Variants in NAALADL2 observed in about 807,000 individuals in gnomAD.
NAALADL2 encodes inactive N-acetylated-alpha-linked acidic dipeptidase-like protein 2.
A neutral mutation model predicts 87.2 loss-of-function variants in NAALADL2; 76 were observed. The observed-to-expected ratio is 0.87, with a 90% confidence interval of 0.72 to 1.05. NAALADL2 has a LOEUF of 1.05. NAALADL2 is among the 50% of genes least tolerant of loss of function. NAALADL2 has a pLI of 0.00. For missense variants in NAALADL2, 1,089 were observed against 945.8 expected (o/e 1.15, Z -1.99); for synonymous variants, 354 against 331.0 (o/e 1.07, Z -0.75).
intron 3 of NAALADL2, among the ~76,000 whole-genome samples, chr3:174,748,358 G>C (rs900686699): frequency 1.8e-4 from 26 of 148,154 alleles, no homozygotes; most frequent in African/African-American, 5.2e-4. Context: ...GAGGCCACTA[G>C]AAGGTGGCCC....
chr3:175,746,345 G>T (rs1303563590), intron 12 of NAALADL2, among the ~76,000 whole-genome samples: 3 of 144,684 alleles, frequency 2.1e-5, no homozygotes, highest in African/African-American at 7.8e-5. Flanking sequence ...AATTGCAAAT[G>T]ATTGAGATCT....
chr3:174,617,198 A>T (rs2108656353), intron 2 of NAALADL2, among the ~76,000 whole-genome samples: 1 of 151,958 alleles, frequency 6.6e-6, no homozygotes, highest in East Asian at 1.9e-4. Context: ...TTTGATTGAC[A>T]AAATGCAGCT....
chr3:175,231,199 G>A (rs62285899), intron 2 of NAALADL2, among the ~76,000 whole-genome samples: 26,732 of 151,708 alleles, frequency 0.18, 2,497 homozygotes, highest in Admixed American at 0.25. Flanking sequence ...ACAATGGGAA[G>A]CAACAAAGTC....
chr3:175,329,880 C>T (rs114582237), intron 5 of NAALADL2, among the ~76,000 whole-genome samples: 22 of 152,116 alleles, frequency 1.4e-4, no homozygotes, highest in South Asian at 8.3e-4. Flanking sequence ...ATAATTTTGG[C>T]GACGTAAGTT....
rs553117941 is a variant in NAALADL2 at position 175,702,584 on chromosome 3, C to T, written c.1897-34722C>T. Among the ~76,000 whole-genome samples, 4 of 152,230 alleles carry T rather than the reference C, an allele frequency of 2.6e-5. No individual in the cohort carries two copies. In the East Asian group the frequency reaches 7.7e-4, roughly 29 times the overall value. The stretch of plus-strand genomic sequence containing the variant: ...AAATGTCCAATAAAGTCAACCTTTG[C>T]TTCTCAGTTATAGTCCATTGTAAGA... On this transcript the variant is annotated intron_variant, in intron 11 of 13. Coordinates refer to ENST00000454872, the MANE Select transcript of NAALADL2 (RefSeq NM_207015.3).
chr3:174,841,187 G>C (rs2109422468), intron 3 of NAALADL2, among the ~76,000 whole-genome samples: 1 of 152,186 alleles, frequency 6.6e-6, no homozygotes, highest in East Asian at 1.9e-4. Context: ...TTTGTTGTTG[G>C]AACCTACTTT....
chr3:175,707,357 A>T (rs1312879451), intron 11 of NAALADL2, among the ~76,000 whole-genome samples: 1 of 152,130 alleles, frequency 6.6e-6, no homozygotes, highest in African/African-American at 2.4e-5. Context: ...TGTTCTTTTT[A>T]ATTTTTTCAA....
intron 5 of NAALADL2, among the ~76,000 whole-genome samples, chr3:175,340,560 A>C (rs1188306209): frequency 6.6e-6 from 1 of 152,152 alleles, no homozygotes; most frequent in Non-Finnish European, 1.5e-5. Flanking sequence ...TCTCAGTTCT[A>C]CAAAGAGAAG....
At chr3:175,384,242 T>C (rs1768104311) in intron 5 of NAALADL2, among the ~76,000 whole-genome samples, 1 of 152,032 alleles carries the variant, frequency 6.6e-6, no homozygotes, top group African/African-American at 2.4e-5. Context: ...ATTGTCTGCA[T>C]TATCTTATTG....
chr3:175,718,193 T>C (rs1583001518), intron 11 of NAALADL2: 1 of 1,098,542 alleles, frequency 9.1e-7, no homozygotes, highest in African/African-American at 1.8e-5. Context: ...GAAGGGCCTG[T>C]GGTTTTTTTT....
chr3:175,293,501 A>G, intron 4 of NAALADL2, among the ~76,000 whole-genome samples: 1 of 152,196 alleles, frequency 6.6e-6, no homozygotes. Flanking sequence ...TTTTTGAGCA[A>G]CAACTGCTAT....
At position 175,265,072 on chromosome 3, in the gene NAALADL2, G is replaced by A. The variant is rs541876963; in HGVS notation, c.939+8542G>A. Reference sequence around the variant, plus strand: ...AGCTGACATTTAATTTAATCATATGGAAAGATTTTATCAAGAACTATATTT... The same window carrying A: ...AGCTGACATTTAATTTAATCATATGAAAAGATTTTATCAAGAACTATATTT... On this transcript the variant is annotated intron_variant, in intron 4 of 13. Coordinates refer to ENST00000454872, the MANE Select transcript of NAALADL2 (RefSeq NM_207015.3). 1.3e-4 allele frequency among the ~76,000 whole-genome samples: 20 copies of A among 151,666 alleles called. No individual in the cohort carries two copies. The South Asian group carries it at 3.9e-3, about 30-fold the overall frequency.
At chr3:174,993,471 T>C (rs1191627900) in intron 1 of NAALADL2, among the ~76,000 whole-genome samples, 1 of 151,918 alleles carries the variant, frequency 6.6e-6, no homozygotes, top group Non-Finnish European at 1.5e-5. Context: ...AGTATAAAAT[T>C]GTAATTAAAA....
At chr3:175,174,006 T>A (rs915568627) in intron 2 of NAALADL2, among the ~76,000 whole-genome samples, 2 of 152,168 alleles carry the variant, frequency 1.3e-5, no homozygotes, top group African/African-American at 4.8e-5. Context: ...TATGTAATTG[T>A]AATTTTATAT....
At chr3:175,450,042 T>C (rs1721323476) in intron 6 of NAALADL2, among the ~76,000 whole-genome samples, 1 of 152,134 alleles carries the variant, frequency 6.6e-6, no homozygotes. Flanking sequence ...TCTCACTGAG[T>C]CTGGTAAATC....
intron 2 of NAALADL2, among the ~76,000 whole-genome samples, chr3:174,571,413 T>C (rs530048440): frequency 3.9e-5 from 6 of 152,188 alleles, no homozygotes; most frequent in African/African-American, 1.2e-4. Context: ...TTTCGCTCTT[T>C]TTGCCCAGGC....
chr3:175,439,745 T>A (rs185117977), intron 5 of NAALADL2, among the ~76,000 whole-genome samples: 1 of 150,602 alleles, frequency 6.6e-6, no homozygotes, highest in Non-Finnish European at 1.5e-5. Flanking sequence ...TTTTTCTTTT[T>A]TTGATGATTT....
intron 1 of NAALADL2, 34 bp downstream of exon 1, chr3:174,859,484 T>G: frequency 1.3e-6 from 2 of 1,574,602 alleles, no homozygotes; most frequent in East Asian, 4.5e-5. Context: ...TTTTCACTTT[T>G]CACAATCAGA....
At chr3:174,790,119 C>T (rs1041544306) in intron 3 of NAALADL2, among the ~76,000 whole-genome samples, 2 of 152,286 alleles carry the variant, frequency 1.3e-5, no homozygotes, top group East Asian at 1.9e-4. Flanking sequence ...AGTGAATCAA[C>T]GATGAAGTGG....
Sources: allele counts gnomAD v4.1 joint callset (sites outside exome capture counted in the v4.1 genomes callset), GRCh38; gene constraint gnomAD v4.1.1; transcripts MANE v1.5; gene names NCBI Gene and HGNC (gene_info 2026-07-23, HGNC 2026-07-21).